The following BIRC6 variants were observed in gnomAD, a reference collection of about 807,000 sequenced individuals.
The protein encoded by BIRC6 is baculoviral IAP repeat containing 6.
A neutral mutation model predicts 503.3 loss-of-function variants in BIRC6; 98 were observed. The ratio of observed to expected loss-of-function variants is 0.19; its 90% CI spans 0.17 to 0.23. The LOEUF (loss-of-function observed/expected upper bound fraction) is 0.23. BIRC6 is among the 10% of genes least tolerant of loss of function. The probability of loss-of-function intolerance (pLI) is 1.00; values close to 1 mark genes in which losing one functional copy is unlikely to be tolerated. For missense variants in BIRC6, 5,360 were observed against 5,806.0 expected, an observed-to-expected ratio of 0.92 and a Z score of 2.50; for synonymous variants, 2,240 against 2,078.7, an observed-to-expected ratio of 1.08 and a Z score of -2.11.
chr2:32,473,706 C>CATGTGT (rs1491452408), intron 33 of BIRC6, among the ~76,000 whole-genome samples: 50 of 72,668 alleles, frequency 6.9e-4, no homozygotes, highest in African/African-American at 2.7e-3. Flanking sequence ...TCTCCTTTTT[C>CATGTGT]GTGTGTGTGT....
At chr2:32,535,500 T>C (rs1382999704) in intron 61 of BIRC6, among the ~76,000 whole-genome samples, 5 of 152,122 alleles carry the variant, frequency 3.3e-5, no homozygotes. Context: ...TCCCCTTCCC[T>C]GTGTCCATGT....
intron 5 of BIRC6, among the ~76,000 whole-genome samples, 184 bp from the exon 6 acceptor site, chr2:32,395,327 A>T (rs2039749868): frequency 6.6e-6 from 1 of 152,218 alleles, no homozygotes; most frequent in African/African-American, 2.4e-5. Flanking sequence ...TTTTCAAATA[A>T]TGCAGGCAAT....
chr2:32,617,669 A>G, intron 73 of BIRC6, 56 bp from the exon 74 acceptor site: 1 of 1,523,120 alleles, frequency 6.6e-7, no homozygotes, highest in Non-Finnish European at 8.9e-7. Flanking sequence ...CCTGCCTCAA[A>G]TGATGTTGTG....
intron 33 of BIRC6, among the ~76,000 whole-genome samples, chr2:32,473,755 T>TTG (rs1445925154): frequency 1.9e-4 from 26 of 135,780 alleles, no homozygotes; most frequent in African/African-American, 6.7e-4. Flanking sequence ...GTGTGTATTT[T>TTG]TTTTTTTTTT....
At chr2:32,375,580 C>T (rs970344227) in intron 1 of BIRC6, among the ~76,000 whole-genome samples, 1 of 151,206 alleles carries the variant, frequency 6.6e-6, no homozygotes, top group African/African-American at 2.4e-5. Context: ...AGCCACCATG[C>T]CAGGCCGAAA....
At chr2:32,548,529 C>T (rs2150371690) in intron 64 of BIRC6, 1 of 151,886 alleles carries the variant, frequency 6.6e-6, no homozygotes, top group Non-Finnish European at 1.5e-5. Flanking sequence ...TGCCTGTTAT[C>T]CCAGCACTTT....
Position 32,357,666 on chromosome 2 carries a change from G to T in BIRC6, c.325+180G>T, listed in dbSNP as rs544766876. On this transcript the variant is annotated intron_variant, in intron 1 of 73. Transcript: ENST00000421745. This position sits in a 1 kb window ranked among gnomAD's most constrained non-coding sequence, Gnocchi z 4.9. ...GGGACCTTAGGACTTGGCTTTTTCA[G>T]CGGCTGCAGTTGGGAGGAAAGACCG... Among the ~76,000 whole-genome samples, 1 of 152,292 alleles carries T rather than the reference G, an allele frequency of 6.6e-6. No individual in the cohort carries two copies. Among genetic ancestry groups the T allele is most frequent in the South Asian group, 2.1e-4 (1 of 4,822 alleles).
chr2:32,456,783 T>C (rs750774324), intron 23 of BIRC6, among the ~76,000 whole-genome samples: 1 of 152,216 alleles, frequency 6.6e-6, no homozygotes, highest in Non-Finnish European at 1.5e-5. Context: ...TTATTTTACC[T>C]GTTTGTTTTT....
chr2:32,582,031 G>A (rs891707607), intron 66 of BIRC6, among the ~76,000 whole-genome samples: 8 of 152,006 alleles, frequency 5.3e-5, no homozygotes, highest in Non-Finnish European at 1.0e-4. Context: ...GCTAATTTTT[G>A]TATTTTTAGT....
rs115792393 is a variant in BIRC6 at position 32,373,033 on chromosome 2, T to C, written c.326-4555T>C. Among the ~76,000 whole-genome samples, 626 of 152,352 alleles carry C rather than the reference T, an allele frequency of 4.1e-3. 8 individuals carry two copies. The highest frequency in any genetic ancestry group is 0.015 in the African/African-American group (610 of 41,574). ...TTTGTAAGAAACTGTCAAACCAGTG[T>C]GGCTGTACCATTTGTATTTCCTTTA... On this transcript the variant is annotated intron_variant, in intron 1 of 73. Coordinates refer to ENST00000421745, the MANE Select transcript of BIRC6 (RefSeq NM_016252.4).
chr2:32,440,411 T>C (rs542023779), intron 16 of BIRC6, among the ~76,000 whole-genome samples: 1 of 152,202 alleles, frequency 6.6e-6, no homozygotes, highest in Non-Finnish European at 1.5e-5. Flanking sequence ...CTAATCCTCA[T>C]GGTTGATTTT....
intron 23 of BIRC6, among the ~76,000 whole-genome samples, chr2:32,457,532 T>C (rs1461066062): frequency 6.6e-6 from 1 of 152,144 alleles, no homozygotes; most frequent in East Asian, 1.9e-4. Flanking sequence ...TCCAGAAGTA[T>C]ATGTTTTTTC....
chr2:32,571,847 A>C (rs543565625), intron 65 of BIRC6, among the ~76,000 whole-genome samples: 1 of 152,002 alleles, frequency 6.6e-6, no homozygotes, highest in Non-Finnish European at 1.5e-5. Flanking sequence ...CCACTTTCTG[A>C]TGCAGGCTTT....
chr2:32,532,048 A>G, intron 61 of BIRC6: 1 of 511,744 alleles, frequency 2.0e-6, no homozygotes, highest in East Asian at 5.5e-5. Context: ...ATCAATCAGT[A>G]GGAAGTATGG....
At chr2:32,495,947 C>T (rs1353614803) in intron 45 of BIRC6, among the ~76,000 whole-genome samples, 2 of 152,096 alleles carry the variant, frequency 1.3e-5, no homozygotes, top group South Asian at 2.1e-4. Context: ...ACGCCATTCT[C>T]CCGCCTCAGC....
intron 66 of BIRC6, among the ~76,000 whole-genome samples, chr2:32,588,519 A>G (rs2061207144): frequency 6.6e-6 from 1 of 152,136 alleles, no homozygotes; most frequent in Admixed American, 6.6e-5. Flanking sequence ...CCACACACAC[A>G]GTATTATTTT....
At chr2:32,374,817 G>T (rs2036509338) in intron 1 of BIRC6, among the ~76,000 whole-genome samples, 1 of 152,092 alleles carries the variant, frequency 6.6e-6, no homozygotes, top group African/African-American at 2.4e-5. Flanking sequence ...TCTGTCTCAG[G>T]CTGGTCTCAA....
chr2:32,478,268 G>A (rs368270787), intron 35 of BIRC6, among the ~76,000 whole-genome samples: 6 of 151,990 alleles, frequency 3.9e-5, no homozygotes, highest in Admixed American at 6.5e-5. Context: ...ACCTGGGGGC[G>A]ATGAGGTTGC....
At chr2:32,500,606 GT>G (rs758919928) in intron 46 of BIRC6, among the ~76,000 whole-genome samples, 25,403 of 118,016 alleles carry the variant, frequency 0.22, 2,193 homozygotes, top group Admixed American at 0.29. Flanking sequence ...TTTTGTTTTT[GT>G]TTTTTTTTTT....
Sources: allele counts gnomAD v4.1 joint callset (sites outside exome capture counted in the v4.1 genomes callset), GRCh38; gene constraint gnomAD v4.1.1; non-coding constraint Gnocchi (gnomAD v3.1); transcripts MANE v1.5; gene names NCBI Gene and HGNC (gene_info 2026-07-23, HGNC 2026-07-21).